The following BANK1 variants were observed in gnomAD, a reference collection of about 807,000 sequenced individuals.
The protein encoded by BANK1 is B-cell scaffold protein with ankyrin repeats.
In BANK1, 95 loss-of-function variants were observed where a neutral mutation model predicts 94.5. The ratio of observed to expected loss-of-function variants is 1.00; its 90% CI spans 0.85 to 1.19. The LOEUF (loss-of-function observed/expected upper bound fraction) is 1.19, where lower values mean the gene tolerates loss of function less well. Among genes scored for constraint, BANK1 ranks in the 50% most tolerant of loss-of-function variants. BANK1 has a pLI of 0.00. For missense variants in BANK1, 987 were observed against 932.2 expected, an observed-to-expected ratio of 1.06 and a Z score of -0.77; for synonymous variants, 334 against 308.4, an observed-to-expected ratio of 1.08 and a Z score of -0.87.
intron 7 of BANK1, among the ~76,000 whole-genome samples, chr4:102,007,069 TA>T (rs1726291075): frequency 1.7e-4 from 17 of 97,364 alleles, no homozygotes; most frequent in Admixed American, 3.3e-4. Context: ...TATATAATTT[TA>T]TATATATATA....
intron 7 of BANK1, among the ~76,000 whole-genome samples, chr4:101,971,622 G>C (rs1724955670): frequency 1.3e-5 from 2 of 152,048 alleles, no homozygotes; most frequent in South Asian, 4.1e-4. Flanking sequence ...TACAGTTTCT[G>C]GTTTTACATT....
intron 7 of BANK1, among the ~76,000 whole-genome samples, chr4:101,968,511 G>A (rs549332963): frequency 6.6e-5 from 10 of 151,748 alleles, no homozygotes; most frequent in African/African-American, 1.9e-4. Context: ...TTTTTCTAGT[G>A]TCTGAAATGT....
In BANK1 at chr4:102,021,592, T is replaced by G; in HGVS notation, c.1285T>G (p.Ser429Ala). 7.5e-7 allele frequency: 1 copy of G among 1,339,444 alleles called. No individual in the cohort carries two copies. The highest frequency in any genetic ancestry group is 1.5e-5 in the South Asian group (1 of 64,720). The allele number at this position is 1,339,444 out of a possible 1,614,324, so 83.0% of individuals were successfully genotyped here. A position where few individuals can be genotyped will look rare whatever the true frequency, so the allele number is the denominator to read the frequency against. Reference protein sequence around the residue: ...DIASFSTYIPSTQNPAFHHES... With the variant: ...DIASFSTYIPATQNPAFHHES... ...TGCCTCATTTTCCACATATATTCCT[T>G]GTAAGTTTTTCCATGTTATATATAT... is the stretch of plus-strand genomic sequence containing the variant. Residue 429 changes from serine to alanine, a missense_variant and splice_region_variant, in exon 8 of 17, where the codon TCC becomes GCC. Coordinates refer to ENST00000322953, the MANE Select transcript of BANK1 (RefSeq NM_017935.5).
At chr4:101,907,307 A>G (rs1035916071) in intron 6 of BANK1, among the ~76,000 whole-genome samples, 2 of 152,236 alleles carry the variant, frequency 1.3e-5, no homozygotes, top group Admixed American at 6.5e-5. Flanking sequence ...CAAAAACCAC[A>G]TGGTTATCTC....
At chr4:101,806,164 A>G (rs1029494019) in intron 1 of BANK1, among the ~76,000 whole-genome samples, 3 of 151,962 alleles carry the variant, frequency 2.0e-5, no homozygotes, top group African/African-American at 7.2e-5. Context: ...AAACTGTCAT[A>G]TATGTACTTC....
At chr4:101,929,138 G>C (rs1252191969) in intron 7 of BANK1, among the ~76,000 whole-genome samples, 2 of 151,454 alleles carry the variant, frequency 1.3e-5, no homozygotes, top group African/African-American at 4.8e-5. Context: ...TCCATACAAT[G>C]CCTCTGAATA....
At chr4:101,847,198 AGTGTGTGTGTGTGTGTGTGT>A (rs10542109) in intron 2 of BANK1, among the ~76,000 whole-genome samples, 4 of 147,716 alleles carry the variant, frequency 2.7e-5, no homozygotes, top group African/African-American at 5.0e-5. Context: ...GGGTTGGCAG[AGTGTGTGTGTGTGTGTGTGT>A]GTGTGTGTGT....
At chr4:101,852,487 TATATATATATATATATACAC>T (rs1222817966) in intron 2 of BANK1, among the ~76,000 whole-genome samples, 1 of 109,934 alleles carries the variant, frequency 9.1e-6, no homozygotes, top group African/African-American at 3.5e-5. Flanking sequence ...TATATATATA[TATATATATATATATATACAC>T]ACACACATAT....
intron 4 of BANK1, among the ~76,000 whole-genome samples, chr4:101,863,623 A>G (rs1471338790): frequency 1.3e-5 from 2 of 152,076 alleles, no homozygotes; most frequent in African/African-American, 4.8e-5. Flanking sequence ...CTTAGACTGA[A>G]GTTGGATTAT....
At chr4:101,992,683 A>G (rs536982619) in intron 7 of BANK1, among the ~76,000 whole-genome samples, 1 of 152,320 alleles carries the variant, frequency 6.6e-6, no homozygotes, top group Admixed American at 6.5e-5. Context: ...TTAAATTGCA[A>G]ATAAATAAAG....
intron 12 of BANK1, 150 bp downstream of exon 12, chr4:102,060,539 T>A: frequency 1.1e-6 from 1 of 909,562 alleles, no homozygotes; most frequent in Non-Finnish European, 1.6e-6. Context: ...AAATAATGTT[T>A]GAAAATATCC....
At chr4:102,070,926 G>A (rs1728735355) in intron 13 of BANK1, among the ~76,000 whole-genome samples, 2 of 152,178 alleles carry the variant, frequency 1.3e-5, no homozygotes, top group African/African-American at 4.8e-5. Context: ...TAATTGAATT[G>A]TATGTAATTA....
At chr4:101,928,045 G>A (rs1165719781) in intron 7 of BANK1, among the ~76,000 whole-genome samples, 1 of 151,594 alleles carries the variant, frequency 6.6e-6, no homozygotes, top group Non-Finnish European at 1.5e-5. Flanking sequence ...TTAACAACAT[G>A]TGTATGTATA....
chr4:101,828,427 C>T (rs1726454023), intron 1 of BANK1, among the ~76,000 whole-genome samples: 1 of 147,798 alleles, frequency 6.8e-6, no homozygotes. Context: ...ATATATCTAC[C>T]ACCTAGATCA....
At chr4:101,832,057 A>G (rs995906409) in intron 2 of BANK1, among the ~76,000 whole-genome samples, 5 of 152,222 alleles carry the variant, frequency 3.3e-5, no homozygotes, top group Non-Finnish European at 7.3e-5. Context: ...TTCCTGAGGA[A>G]GGTGCCTTGG....
intron 11 of BANK1, among the ~76,000 whole-genome samples, chr4:102,050,455 G>A (rs546298174): frequency 1.3e-4 from 20 of 152,230 alleles, no homozygotes; most frequent in Non-Finnish European, 2.2e-4. Flanking sequence ...ACTAAAAGTC[G>A]AATAGATGAG....
At chr4:101,816,557 C>CTTT (rs34692783) in intron 1 of BANK1, among the ~76,000 whole-genome samples, 77 of 138,622 alleles carry the variant, frequency 5.6e-4, no homozygotes, top group East Asian at 1.3e-3. Flanking sequence ...TGCCATGCTT[C>CTTT]TTTTTTTTTT....
intron 7 of BANK1, among the ~76,000 whole-genome samples, chr4:102,006,625 A>C (rs1726268539): frequency 6.6e-6 from 1 of 152,036 alleles, no homozygotes; most frequent in South Asian, 2.1e-4. Context: ...GACACAAGGC[A>C]TGGATGTTAA....
chr4:101,897,456 T>C (rs1305490124), intron 6 of BANK1, among the ~76,000 whole-genome samples: 2 of 151,958 alleles, frequency 1.3e-5, no homozygotes, highest in African/African-American at 4.8e-5. Flanking sequence ...GCTGAGACAA[T>C]TGTGGCCCCT....
Sources: allele counts gnomAD v4.1 joint callset (sites outside exome capture counted in the v4.1 genomes callset), GRCh38; gene constraint gnomAD v4.1.1; transcripts MANE v1.5; gene names NCBI Gene and HGNC (gene_info 2026-07-23, HGNC 2026-07-21).